The following XKR3 variants were observed in gnomAD, a reference collection of about 807,000 sequenced individuals.
The protein encoded by XKR3 is XK-related protein 3.
Under a neutral mutation model 40.3 loss-of-function variants are expected in XKR3, and 27 were observed. The ratio of observed to expected loss-of-function variants is 0.67; its 90% CI spans 0.49 to 0.92. XKR3 has a LOEUF of 0.92. Ranked by LOEUF, XKR3 falls within the 40% of genes least tolerant of loss-of-function variation. The pLI is 0.00. For synonymous variants in XKR3, 193 were observed against 195.4 expected (o/e 0.99, Z 0.10); for missense variants, 472 against 537.6 (o/e 0.88, Z 1.21).
chr22:16,815,690 T>C (rs1227888898), intron 1 of XKR3, among the ~76,000 whole-genome samples: 1 of 151,990 alleles, frequency 6.6e-6, no homozygotes, highest in Non-Finnish European at 1.5e-5. Context: ...AAAGGATTGT[T>C]AATTGTTAAT....
At chr22:16,786,388 G>T (rs2060091204) in intron 3 of XKR3, among the ~76,000 whole-genome samples, 2 of 152,122 alleles carry the variant, frequency 1.3e-5, no homozygotes, top group Non-Finnish European at 2.9e-5. Flanking sequence ...TTTCACTTGG[G>T]TCTTTATTTT....
In XKR3 at chr22:16,799,884, T is replaced by C. The variant is rs146283339; in HGVS notation, c.476A>G (p.Gln159Arg). The C allele has an allele frequency of 6.2e-7, 1 of 1,614,154 alleles. No individual in the cohort carries two copies. Among genetic ancestry groups the C allele is most frequent in the African/African-American group, 1.3e-5 (1 of 75,060 alleles). The change falls in exon 3 of 4, where the codon CAG (glutamine) becomes CGG (arginine). Residue 159 changes from glutamine (Q) to arginine (R), a missense_variant. By Grantham distance (43) the Gln-to-Arg change is conservative. Transcript: ENST00000684488. Reference protein sequence around the residue: ...IAFSIRDNFMQQKAFKYMSVI... With the variant: ...IAFSIRDNFMRQKAFKYMSVI... ...TGACATGTACTTGAAAGCCTTCTGC[T>C]GCATGAAATTATCCCGGATTGAGAA... is the stretch of plus-strand genomic sequence containing the variant.
chr22:16,809,120 G>T (rs5746901), intron 1 of XKR3, among the ~76,000 whole-genome samples: 132,389 of 152,226 alleles, frequency 0.87, 57,834 homozygotes, highest in African/African-American at 0.95. Context: ...TTCTTGAACT[G>T]TCTTTGCATT....
intron 1 of XKR3, among the ~76,000 whole-genome samples, chr22:16,816,578 A>T (rs2060234699): frequency 6.6e-6 from 1 of 151,740 alleles, no homozygotes; most frequent in African/African-American, 2.4e-5. Context: ...GTCCCTGCTA[A>T]AAAATAAAAA....
At chr22:16,815,034 T>A (rs1449585251) in intron 1 of XKR3, among the ~76,000 whole-genome samples, 1 of 152,044 alleles carries the variant, frequency 6.6e-6, no homozygotes, top group Non-Finnish European at 1.5e-5. Context: ...AGCCTTATTC[T>A]GGATCATGAG....
Position 16,783,814 on chromosome 22 carries a change from G to A in XKR3, c.1185C>T (p.Leu395=). The change falls in exon 4 of 4, where the codon CTC becomes CTT. Residue 395 remains leucine (L), a synonymous_variant. Transcript: ENST00000684488. ...GCCATGGGTACAAATACTGATAGAA[G>A]AGGAGCATAAAGCCAGTGGCCAATA... ...SYLLATGFML[L]FYQYLYPWQS... 6.2e-7 allele frequency: 1 copy of A among 1,614,188 alleles called. No homozygotes were observed.
chr22:16,786,026 A>G (rs1307444016), intron 3 of XKR3, among the ~76,000 whole-genome samples: 2 of 152,210 alleles, frequency 1.3e-5, no homozygotes, highest in African/African-American at 4.8e-5. Context: ...CTTAAGGAAT[A>G]CTCAAAGTGA....
At chr22:16,795,860 A>G (rs1275166893) in intron 3 of XKR3, among the ~76,000 whole-genome samples, 3 of 151,954 alleles carry the variant, frequency 2.0e-5, no homozygotes, top group Non-Finnish European at 4.4e-5. Flanking sequence ...CCAGCTACTC[A>G]GGGGGCTGAG....
At chr22:16,784,889 C>T (rs1372755744) in intron 3 of XKR3, among the ~76,000 whole-genome samples, 1 of 152,074 alleles carries the variant, frequency 6.6e-6, no homozygotes, top group Non-Finnish European at 1.5e-5. Context: ...GTGTTTTAGA[C>T]TATGGTGGTA....
chr22:16,800,129 T>A, intron 2 of XKR3, 105 bp from the exon 3 acceptor site: 2 of 1,286,568 alleles, frequency 1.6e-6, no homozygotes, highest in Non-Finnish European at 2.1e-6. Context: ...GAAATTATAC[T>A]ATCAAATGGC....
At chr22:16,796,273 G>T (rs2146151263) in intron 3 of XKR3, among the ~76,000 whole-genome samples, 1 of 152,096 alleles carries the variant, frequency 6.6e-6, no homozygotes, top group East Asian at 1.9e-4. Flanking sequence ...AATTTTTCCT[G>T]ATGTACAAAG....
chr22:16,815,810 C>A (rs8140802), intron 1 of XKR3, among the ~76,000 whole-genome samples: 4,611 of 151,932 alleles, frequency 0.03, 256 homozygotes, highest in African/African-American at 0.11. Context: ...AAATAAATAT[C>A]CATCAAATTT....
intron 2 of XKR3, among the ~76,000 whole-genome samples, chr22:16,806,599 G>A (rs1364571532): frequency 6.0e-5 from 9 of 150,430 alleles, no homozygotes; most frequent in Non-Finnish European, 7.4e-5. Context: ...CAACACGCCC[G>A]GCTATTTTTT....
intron 3 of XKR3, among the ~76,000 whole-genome samples, chr22:16,798,146 C>T (rs1269565367): frequency 6.7e-6 from 1 of 149,144 alleles, no homozygotes; most frequent in Non-Finnish European, 1.5e-5. Context: ...TGCCAGGGCA[C>T]TCCAGCCTTG....
intron 1 of XKR3, among the ~76,000 whole-genome samples, chr22:16,813,650 A>G (rs897638085): frequency 6.6e-6 from 1 of 152,216 alleles, no homozygotes; most frequent in Non-Finnish European, 1.5e-5. Context: ...TATTGTGAAT[A>G]ATGCTACTAG....
At chr22:16,810,085 C>T (rs1269210426) in intron 1 of XKR3, among the ~76,000 whole-genome samples, 1 of 152,210 alleles carries the variant, frequency 6.6e-6, no homozygotes, top group Non-Finnish European at 1.5e-5. Context: ...CTCCCTCTTA[C>T]TTGAATTATT....
At chr22:16,800,046 C>A in intron 2 of XKR3, 22 bp from the exon 3 acceptor site, 1 of 1,605,786 alleles carries the variant, frequency 6.2e-7, no homozygotes, top group South Asian at 1.1e-5. Context: ...AAGTAACATC[C>A]AAGATTAACA....
rs757924257 is a variant in XKR3 at position 16,800,034 on chromosome 22, T to G, written c.336-10A>C. ...AATGGTGTGCAAACACCTGTTAACA[T>G]GAAGTAACATCCAAGATTAACATTT... On this transcript the variant is annotated splice_polypyrimidine_tract_variant and intron_variant, in intron 2 of 3. Coordinates refer to ENST00000684488, the MANE Select transcript of XKR3 (RefSeq NM_001386955.1). 6.2e-7 allele frequency: 1 copy of G among 1,610,236 alleles called. No homozygotes were observed. The highest frequency in any genetic ancestry group is 1.7e-5 in the Admixed American group (1 of 59,668).
chr22:16,790,443 T>C (rs1416906671), intron 3 of XKR3, among the ~76,000 whole-genome samples: 1 of 151,812 alleles, frequency 6.6e-6, no homozygotes, highest in Non-Finnish European at 1.5e-5. Context: ...CTTAAAAATA[T>C]TCAAAAGCAA....
Sources: allele counts gnomAD v4.1 joint callset (sites outside exome capture counted in the v4.1 genomes callset), GRCh38; gene constraint gnomAD v4.1.1; transcripts MANE v1.5; gene names NCBI Gene and HGNC (gene_info 2026-07-23, HGNC 2026-07-21).